NKAIN2: variants seen among roughly 807,000 people sequenced by gnomAD.
The protein encoded by NKAIN2 is sodium/potassium-transporting ATPase subunit beta-1-interacting protein 2.
NKAIN2 carries 14 observed loss-of-function variants against 32.6 expected under a neutral mutation model. The ratio of observed to expected loss-of-function variants is 0.43; its 90% CI spans 0.28 to 0.67. NKAIN2 has a LOEUF of 0.67. Ranked by LOEUF, NKAIN2 falls within the 30% of genes least tolerant of loss-of-function variation. The pLI, the probability that NKAIN2 is intolerant of heterozygous loss-of-function variation, is 0.17. For synonymous variants in NKAIN2, 80 were observed against 87.2 expected (o/e 0.92, Z 0.46); for missense variants, 198 against 258.3 (o/e 0.77, Z 1.60).
At chr6:124,266,434 C>T (rs372584217) in intron 1 of NKAIN2, among the ~76,000 whole-genome samples, 16 of 152,036 alleles carry the variant, frequency 1.1e-4, no homozygotes, top group African/African-American at 3.4e-4. Context: ...CACACCACCA[C>T]ACCCGGCTAA....
chr6:123,839,044 A>G (rs753011221), intron 1 of NKAIN2, among the ~76,000 whole-genome samples: 10 of 152,162 alleles, frequency 6.6e-5, no homozygotes, highest in Non-Finnish European at 1.2e-4. Context: ...AAGTCCAGGA[A>G]GCAGAACAGC....
chr6:123,929,556 A>C (rs2114516096), intron 1 of NKAIN2, among the ~76,000 whole-genome samples: 1 of 152,278 alleles, frequency 6.6e-6, no homozygotes, highest in Admixed American at 6.5e-5. Context: ...AAACCAAGTC[A>C]ATGTTCTGAG....
intron 3 of NKAIN2, among the ~76,000 whole-genome samples, chr6:124,468,686 A>G (rs1466793982): frequency 2.0e-5 from 3 of 152,206 alleles, no homozygotes; most frequent in African/African-American, 7.2e-5. Flanking sequence ...TACATATTAC[A>G]TTTAATTCTA....
chr6:124,346,666 T>C (rs1187051947), intron 2 of NKAIN2, among the ~76,000 whole-genome samples: 2 of 151,422 alleles, frequency 1.3e-5, no homozygotes, highest in African/African-American at 4.9e-5. Context: ...CCCCTGCCTT[T>C]TTTTGTTTTC....
chr6:124,147,384 A>C (rs1479815891), intron 1 of NKAIN2, among the ~76,000 whole-genome samples: 3 of 152,254 alleles, frequency 2.0e-5, no homozygotes, highest in Non-Finnish European at 4.4e-5. Flanking sequence ...TCTAGAGAAC[A>C]GTCTCCACCA....
intron 1 of NKAIN2, among the ~76,000 whole-genome samples, chr6:123,855,396 A>G (rs996855595): frequency 1.3e-5 from 2 of 152,248 alleles, no homozygotes; most frequent in Non-Finnish European, 2.9e-5. Flanking sequence ...CTGATTCCGG[A>G]AACTAATTTA....
At chr6:124,196,556 T>C (rs1790323611) in intron 1 of NKAIN2, among the ~76,000 whole-genome samples, 1 of 152,100 alleles carries the variant, frequency 6.6e-6, no homozygotes, top group African/African-American at 2.4e-5. Flanking sequence ...GGTTTCAATT[T>C]GTATGTTTAT....
At chr6:123,906,475 T>C (rs1158851326) in intron 1 of NKAIN2, among the ~76,000 whole-genome samples, 1 of 152,026 alleles carries the variant, frequency 6.6e-6, no homozygotes, top group Non-Finnish European at 1.5e-5. Context: ...CTAGTTTTTG[T>C]AGAGACAGGG....
chr6:124,067,502 G>T (rs1783245263), intron 1 of NKAIN2, among the ~76,000 whole-genome samples: 1 of 152,078 alleles, frequency 6.6e-6, no homozygotes, highest in African/African-American at 2.4e-5. Flanking sequence ...GAAGTCTGAG[G>T]ACCAGATATC....
chr6:124,170,128 A>G (rs1053960839), intron 1 of NKAIN2, among the ~76,000 whole-genome samples: 1 of 151,976 alleles, frequency 6.6e-6, no homozygotes. Flanking sequence ...CTCACCAGGG[A>G]TGCTTCCTTA....
chr6:124,634,488 A>G (rs945161127), intron 3 of NKAIN2, among the ~76,000 whole-genome samples: 2 of 152,146 alleles, frequency 1.3e-5, no homozygotes, highest in Non-Finnish European at 2.9e-5. Flanking sequence ...ATAATAGACT[A>G]GATCAAGCAA....
intron 3 of NKAIN2, among the ~76,000 whole-genome samples, chr6:124,473,275 A>C (rs1207170581): frequency 6.6e-6 from 1 of 152,114 alleles, no homozygotes. Context: ...ATTATGGGAG[A>C]TGAGAGTTGA....
At chr6:124,041,773 G>T (rs890927179) in intron 1 of NKAIN2, among the ~76,000 whole-genome samples, 1 of 152,046 alleles carries the variant, frequency 6.6e-6, no homozygotes, top group Non-Finnish European at 1.5e-5. Context: ...TTGTAAATTG[G>T]AATGAATACA....
chr6:124,478,581 A>C lies in NKAIN2; in HGVS notation c.273+123234A>C, dbSNP rs369920582. On this transcript the variant is annotated intron_variant, in intron 3 of 6. Transcript: ENST00000368417. ...TTGCAGCCAAAAGAAAGGGCTCTAAATAACCAAAGCTAAAACAATTTGAGC... is the reference window on the plus strand; with the variant it reads ...TTGCAGCCAAAAGAAAGGGCTCTAACTAACCAAAGCTAAAACAATTTGAGC... 8.5e-5 allele frequency among the ~76,000 whole-genome samples: 13 copies of C among 152,242 alleles called. No homozygotes were observed. In the East Asian group the frequency reaches 1.9e-3, roughly 23 times the overall value.
chr6:124,116,454 T>C (rs893611042), intron 1 of NKAIN2, among the ~76,000 whole-genome samples: 18 of 152,174 alleles, frequency 1.2e-4, no homozygotes, highest in African/African-American at 4.3e-4. Context: ...TGACATTGTA[T>C]TGTAACTTTA....
intron 2 of NKAIN2, among the ~76,000 whole-genome samples, chr6:124,303,628 C>T (rs773363539): frequency 6.6e-6 from 1 of 152,214 alleles, no homozygotes; most frequent in Non-Finnish European, 1.5e-5. Context: ...CTGGGACTGG[C>T]ATTAATCAGA....
At chr6:123,806,833 T>A (rs1054781055) in intron 1 of NKAIN2, among the ~76,000 whole-genome samples, 2 of 152,026 alleles carry the variant, frequency 1.3e-5, no homozygotes, top group South Asian at 2.1e-4. Flanking sequence ...TGTGACTTGA[T>A]TAAGGTTCTG....
intron 1 of NKAIN2, among the ~76,000 whole-genome samples, chr6:124,119,043 T>A (rs575384944): frequency 9.9e-5 from 15 of 152,232 alleles, no homozygotes; most frequent in African/African-American, 3.6e-4. Flanking sequence ...CAGAGCAAAT[T>A]TTTAATAAAT....
chr6:124,131,450 G>T (rs1235766269), intron 1 of NKAIN2, among the ~76,000 whole-genome samples: 1 of 152,114 alleles, frequency 6.6e-6, no homozygotes, highest in East Asian at 1.9e-4. Flanking sequence ...ACTTTGTTCC[G>T]AGAACCACCA....
Sources: gnomAD v4.1 joint callset for allele counts (sites outside exome capture counted in the v4.1 genomes callset) on GRCh38, gnomAD v4.1.1 for gene constraint, MANE v1.5 for transcripts, NCBI Gene and HGNC (gene_info 2026-07-23, HGNC 2026-07-21) for gene names.